The following TRHDE variants were observed in gnomAD, a reference collection of about 807,000 sequenced individuals.
TRHDE encodes the protein thyrotropin-releasing hormone-degrading ectoenzyme.
TRHDE carries 72 observed loss-of-function variants against 125.7 expected under a neutral mutation model. The ratio of observed to expected loss-of-function variants is 0.57; its 90% CI spans 0.47 to 0.70. The LOEUF (loss-of-function observed/expected upper bound fraction) is 0.70, where lower values mean the gene tolerates loss of function less well. Ranked by LOEUF, TRHDE falls within the 30% of genes least tolerant of loss-of-function variation. The probability of loss-of-function intolerance (pLI) is 0.00; values close to 1 mark genes in which losing one functional copy is unlikely to be tolerated. For missense variants in TRHDE, 1,110 were observed against 1,327.1 expected (o/e 0.84, Z 2.54); for synonymous variants, 509 against 509.1 (o/e 1.00, Z 0.00).
At chr12:72,192,381 G>A (rs1707825544) in intron 2 of TRHDE, among the ~76,000 whole-genome samples, 1 of 152,038 alleles carries the variant, frequency 6.6e-6, no homozygotes, top group Non-Finnish European at 1.5e-5. Flanking sequence ...GCCCTTTTAA[G>A]ACAGCAACAA....
chr12:72,579,008 A>C (rs1592550401), intron 12 of TRHDE, among the ~76,000 whole-genome samples: 2 of 149,410 alleles, frequency 1.3e-5, no homozygotes, highest in South Asian at 4.2e-4. Flanking sequence ...TATGAACAGA[A>C]AGTCTATTCT....
intron 2 of TRHDE, among the ~76,000 whole-genome samples, chr12:72,215,201 TG>T (rs5799066): frequency 0.73 from 108,242 of 147,620 alleles, 39,606 homozygotes; most frequent in Non-Finnish European, 0.76. Flanking sequence ...CAGGCAGGAG[TG>T]GGGGTCGCAA....
intron 3 of TRHDE, among the ~76,000 whole-genome samples, chr12:72,382,267 C>A (rs1301662463): frequency 6.6e-6 from 1 of 151,928 alleles, no homozygotes; most frequent in African/African-American, 2.4e-5. Context: ...TCACCGGTGA[C>A]CTTGACAAAA....
At chr12:72,465,113 C>T (rs1176874373) in intron 3 of TRHDE, among the ~76,000 whole-genome samples, 1 of 152,024 alleles carries the variant, frequency 6.6e-6, no homozygotes, top group African/African-American at 2.4e-5. Context: ...AGTCTCATAA[C>T]AAATTTCTTT....
chr12:72,440,114 C>A (rs572909449), intron 3 of TRHDE, among the ~76,000 whole-genome samples: 16 of 151,776 alleles, frequency 1.1e-4, no homozygotes, highest in African/African-American at 3.6e-4. Context: ...GAATCCCACT[C>A]GATAATGGGC....
chr12:72,342,042 T>TA (rs199606676), intron 2 of TRHDE, among the ~76,000 whole-genome samples: 31 of 149,978 alleles, frequency 2.1e-4, no homozygotes, highest in African/African-American at 5.2e-4. Flanking sequence ...CAAATATGAG[T>TA]AAAAAAAAAA....
Position 72,575,319 on chromosome 12 carries a change from C to G in TRHDE, c.2196C>G (p.Gly732=). The part of the protein sequence containing the change: ...SWLLGNINQT[G]YFRVNYDLRN... ...TGCTGGGGAACATCAATCAAACTGG[C>G]TATTTTAGAGTCAACTATGACCTAA... The change falls in exon 11 of 19, where the codon GGC becomes GGG. Residue 732 remains glycine (G), a synonymous_variant. Transcript: ENST00000261180. 6.2e-7 allele frequency: 1 copy of G among 1,613,526 alleles called. No homozygotes were observed. Among genetic ancestry groups the G allele is most frequent in the Non-Finnish European group, 8.5e-7 (1 of 1,179,712 alleles).
Position 72,273,029 on chromosome 12 carries a change from C to T in TRHDE, c.386C>T (p.Pro129Leu), listed in dbSNP as rs1298968671. 2.0e-6 allele frequency: 3 copies of T among 1,537,448 alleles called. No homozygotes were observed. The highest frequency in any genetic ancestry group is 4.9e-5 in the East Asian group (2 of 41,082). Residue 129 changes from proline (P) to leucine (L), a missense_variant, in exon 1 of 19, where the codon CCG becomes CTG. Transcript: ENST00000261180. This position sits in a 1 kb window ranked among gnomAD's most constrained non-coding sequence, Gnocchi z 5.3. Reference protein sequence around the residue: ...PGADGGPSGFPERGGNGSLPG... With the variant: ...PGADGGPSGFLERGGNGSLPG... Reference sequence around the variant, plus strand: ...GCCGACGGTGGCCCCTCAGGCTTTCCGGAGCGCGGCGGCAACGGGAGCCTC... The same window carrying T: ...GCCGACGGTGGCCCCTCAGGCTTTCTGGAGCGCGGCGGCAACGGGAGCCTC...
At chr12:72,479,117 A>T (rs535664725) in intron 5 of TRHDE, among the ~76,000 whole-genome samples, 1 of 151,908 alleles carries the variant, frequency 6.6e-6, no homozygotes, top group South Asian at 2.1e-4. Context: ...CCATGTTAAG[A>T]ACATCTGTTA....
rs1875106665 is a variant in TRHDE at position 72,666,172 on chromosome 12, A to G, written c.*2977A>G. The G allele has an allele frequency of 6.6e-6, 1 of 152,100 alleles. No homozygotes were observed. The allele number at this position is 152,100 out of a possible 1,614,324, so 9.4% of individuals were successfully genotyped here. A position where few individuals can be genotyped will look rare whatever the true frequency, so the allele number is the denominator to read the frequency against. ...TTACACATTTTGTTTTATTTGACTC[A>G]TCACAAAAACATAATAAATGTTGTG... On this transcript the variant is annotated 3_prime_UTR_variant, in exon 19 of 19. Transcript: ENST00000261180.
At chr12:72,353,527 A>C (rs892690560) in intron 2 of TRHDE, among the ~76,000 whole-genome samples, 2 of 151,646 alleles carry the variant, frequency 1.3e-5, no homozygotes, top group African/African-American at 4.8e-5. Flanking sequence ...TTTAATCACA[A>C]GAGAAGTACT....
At chr12:72,368,540 A>G (rs1871436924) in intron 2 of TRHDE, among the ~76,000 whole-genome samples, 1 of 152,136 alleles carries the variant, frequency 6.6e-6, no homozygotes, top group Admixed American at 6.5e-5. Context: ...GAGCCAATGT[A>G]AATTAGATCA....
chr12:72,598,533 G>A (rs1358751372), intron 12 of TRHDE, among the ~76,000 whole-genome samples: 2 of 152,070 alleles, frequency 1.3e-5, no homozygotes, highest in Admixed American at 6.6e-5. Flanking sequence ...AAACCTATGC[G>A]TTAACAAGTT....
At chr12:72,547,604 C>G (rs1172234553) in intron 7 of TRHDE, among the ~76,000 whole-genome samples, 1 of 151,720 alleles carries the variant, frequency 6.6e-6, no homozygotes, top group East Asian at 1.9e-4. Flanking sequence ...ATTCCTACCT[C>G]CCCAGGTGGG....
intron 17 of TRHDE, among the ~76,000 whole-genome samples, chr12:72,656,374 A>G (rs1266951928): frequency 6.6e-6 from 1 of 152,108 alleles, no homozygotes; most frequent in African/African-American, 2.4e-5. Context: ...ATTTTTGAGA[A>G]TGTATTTTGC....
At chr12:72,594,888 A>G (rs927522641) in intron 12 of TRHDE, among the ~76,000 whole-genome samples, 6 of 151,972 alleles carry the variant, frequency 3.9e-5, no homozygotes, top group African/African-American at 1.5e-4. Context: ...GATAGACTGG[A>G]TTAAGAAAAT....
chr12:72,150,553 C>T (rs1265276190), intron 2 of TRHDE, among the ~76,000 whole-genome samples: 2 of 111,184 alleles, frequency 1.8e-5, no homozygotes, highest in African/African-American at 6.9e-5. Context: ...CCCCCCACCC[C>T]CCACCCGACA....
chr12:72,467,793 C>T (rs1332610771), intron 3 of TRHDE, among the ~76,000 whole-genome samples: 8 of 152,260 alleles, frequency 5.3e-5, no homozygotes, highest in South Asian at 2.1e-4. Context: ...CTGGCCTGGG[C>T]GACAGAGCGA....
At chr12:72,305,711 A>T (rs1418163889) in intron 2 of TRHDE, among the ~76,000 whole-genome samples, 2 of 152,194 alleles carry the variant, frequency 1.3e-5, no homozygotes, top group African/African-American at 2.4e-5. Flanking sequence ...CAAAACAATA[A>T]AGCAACAACT....
Sources: gnomAD v4.1 joint callset for allele counts (sites outside exome capture counted in the v4.1 genomes callset) on GRCh38, gnomAD v4.1.1 for gene constraint, Gnocchi (gnomAD v3.1) non-coding constraint, MANE v1.5 for transcripts, NCBI Gene and HGNC (gene_info 2026-07-23, HGNC 2026-07-21) for gene names.